The following PIP5K1B variants were observed in gnomAD, a reference collection of about 807,000 sequenced individuals.
The protein encoded by PIP5K1B is phosphatidylinositol 4-phosphate 5-kinase type-1 beta.
PIP5K1B carries 42 observed loss-of-function variants against 67.0 expected under a neutral mutation model. The ratio of observed to expected loss-of-function variants is 0.63; its 90% CI spans 0.49 to 0.81. The LOEUF (loss-of-function observed/expected upper bound fraction) is 0.81. Among genes scored for constraint, PIP5K1B ranks in the 30% least tolerant of loss-of-function variants. PIP5K1B has a pLI of 0.00. For synonymous variants in PIP5K1B, 214 were observed against 231.4 expected (o/e 0.92, Z 0.68); for missense variants, 459 against 646.3 (o/e 0.71, Z 3.14).
chr9:68,926,647 C>G (rs1826719127), intron 12 of PIP5K1B, among the ~76,000 whole-genome samples: 1 of 152,146 alleles, frequency 6.6e-6, no homozygotes, highest in Admixed American at 6.5e-5. Flanking sequence ...TCTTGGCTTA[C>G]TGCAACCTCT....
chr9:68,816,113 C>T (rs1833430399), intron 2 of PIP5K1B, among the ~76,000 whole-genome samples: 2 of 152,016 alleles, frequency 1.3e-5, no homozygotes, highest in Admixed American at 6.6e-5. Flanking sequence ...TCAGTCAACA[C>T]GATTTTTTTG....
intron 4 of PIP5K1B, among the ~76,000 whole-genome samples, chr9:68,849,708 A>C (rs1822384280): frequency 1.3e-5 from 2 of 152,184 alleles, no homozygotes; most frequent in Admixed American, 6.6e-5. Flanking sequence ...TGTATTTTTC[A>C]GTGTGTAGAG....
chr9:68,712,951 C>T (rs1170323699), intron 1 of PIP5K1B, among the ~76,000 whole-genome samples: 2 of 152,168 alleles, frequency 1.3e-5, no homozygotes, highest in East Asian at 1.9e-4. Flanking sequence ...AAGGCAATTC[C>T]TATGATGCCT....
At chr9:68,983,727 A>G (rs867235024) in intron 14 of PIP5K1B, among the ~76,000 whole-genome samples, 1 of 152,206 alleles carries the variant, frequency 6.6e-6, no homozygotes, top group East Asian at 1.9e-4. Context: ...ATTGTGTGCA[A>G]TTAGCCCTCA....
At chr9:68,970,325 A>G (rs1335035055) in intron 14 of PIP5K1B, among the ~76,000 whole-genome samples, 2 of 152,248 alleles carry the variant, frequency 1.3e-5, no homozygotes, top group Admixed American at 6.5e-5. Context: ...TGTCAAGACC[A>G]GGCACTACGC....
intron 1 of PIP5K1B, among the ~76,000 whole-genome samples, chr9:68,738,586 G>T (rs540269009): frequency 1.2e-4 from 19 of 152,276 alleles, no homozygotes; most frequent in Middle Eastern, 3.4e-3. Context: ...AGATGACAAG[G>T]GGTGGGGTGA....
At chr9:68,954,416 C>G (rs186517936) in intron 14 of PIP5K1B, among the ~76,000 whole-genome samples, 1 of 152,092 alleles carries the variant, frequency 6.6e-6, no homozygotes, top group South Asian at 2.1e-4. Flanking sequence ...AACTGCTCAG[C>G]GAAGATTCTA....
At chr9:68,781,078 A>T (rs1831246541) in intron 2 of PIP5K1B, 2 of 1,558,286 alleles carry the variant, frequency 1.3e-6, no homozygotes, top group East Asian at 4.5e-5. Context: ...AGAATAATCT[A>T]GTTGGGGCAA....
At chr9:68,745,941 T>G (rs1440999265) in intron 2 of PIP5K1B, among the ~76,000 whole-genome samples, 3 of 152,202 alleles carry the variant, frequency 2.0e-5, no homozygotes, top group Non-Finnish European at 4.4e-5. Flanking sequence ...AAAGGAAAAT[T>G]CATGTCTGTT....
chr9:68,854,236 T>C (rs1330708182), intron 4 of PIP5K1B, among the ~76,000 whole-genome samples: 1 of 148,218 alleles, frequency 6.7e-6, no homozygotes, highest in African/African-American at 2.5e-5. Context: ...GCTCAAGCAA[T>C]CCTCCTGCCT....
rs555145871 is a variant in PIP5K1B, at chr9:68,732,946, G to C, written c.-242-9555G>C. On this transcript the variant is annotated intron_variant, in intron 1 of 15. Coordinates refer to ENST00000265382, the MANE Select transcript of PIP5K1B (RefSeq NM_003558.4). ...GGGGGGCGGCGCGGTGGGAGATGAT[G>C]ATGATGATGACGACGACGATGATGT... is the stretch of plus-strand genomic sequence containing the variant. Among the ~76,000 whole-genome samples the C allele has an allele frequency of 5.3e-5, 8 of 152,070 alleles. No individual in the cohort carries two copies. In the East Asian group the frequency reaches 1.5e-3, roughly 29 times the overall value.
At chr9:68,788,196 A>G (rs942453959) in intron 2 of PIP5K1B, 1 of 314,538 alleles carries the variant, frequency 3.2e-6, no homozygotes, top group Non-Finnish European at 5.9e-6. Flanking sequence ...AAGGGGAAAA[A>G]GGAATGTGTG....
At chr9:68,870,460 ACT>A (rs1250360053) in intron 5 of PIP5K1B, among the ~76,000 whole-genome samples, 2 of 152,104 alleles carry the variant, frequency 1.3e-5, no homozygotes, top group Admixed American at 1.3e-4. Context: ...ATTCATGAGC[ACT>A]CTCTAATTTG....
rs1564253516 is a variant in PIP5K1B at position 68,940,737 on chromosome 9, C to T, written c.1449C>T (p.Ser483=). The change falls in exon 14 of 16, where the codon TCC becomes TCT. Residue 483 remains serine, a synonymous_variant. Coordinates refer to ENST00000265382, the MANE Select transcript of PIP5K1B (RefSeq NM_003558.4). ...TGGCAACCACAATTTCATCTTCTTC[C>T]TTATACGTCAATGAGCACTATCCAC... The part of the protein sequence containing the change: ...ASLATTISSS[S]LYVNEHYPHD... The T allele has an allele frequency of 6.2e-7, 1 of 1,613,960 alleles. No individual in the cohort carries two copies.
At chr9:68,809,278 TTTG>T (rs78628915) in intron 2 of PIP5K1B, among the ~76,000 whole-genome samples, 9 of 151,978 alleles carry the variant, frequency 5.9e-5, no homozygotes, top group African/African-American at 1.7e-4. Flanking sequence ...TCTCCTGCTT[TTTG>T]TTGTTGTTGT....
chr9:68,921,037 T>TA (rs1826373561), intron 11 of PIP5K1B, among the ~76,000 whole-genome samples: 1 of 152,186 alleles, frequency 6.6e-6, no homozygotes, highest in Non-Finnish European at 1.5e-5. Flanking sequence ...AAGGAGCCCA[T>TA]AATTTCTCAG....
At chr9:68,809,042 A>G (rs1350511632) in intron 2 of PIP5K1B, among the ~76,000 whole-genome samples, 1 of 152,232 alleles carries the variant, frequency 6.6e-6, no homozygotes, top group East Asian at 1.9e-4. Context: ...AGTGGCCTCC[A>G]TTGTACAAAT....
chr9:68,947,992 A>G (rs1032605333), intron 14 of PIP5K1B, among the ~76,000 whole-genome samples: 14 of 152,190 alleles, frequency 9.2e-5, no homozygotes, highest in African/African-American at 3.4e-4. Flanking sequence ...ATGCCCTTAC[A>G]AAACATTTCT....
chr9:68,925,795 A>ATTTTTTTTTTTTTTTTTTTTTTTT lies in PIP5K1B; in HGVS notation c.1201+2429_1201+2430insTTTTTTTTTTTTTTTTTTTTTTTT, dbSNP rs71353094. ...ACATGAATACCAGCTTGTGGTTCCA[A>ATTTTTTTTTTTTTTTTTTTTTTTT]TTTTTTTTTTTTTTTTTTTTGAGAC... On this transcript the variant is annotated intron_variant, in intron 12 of 15. Transcript: ENST00000265382. 6.0e-3 allele frequency among the ~76,000 whole-genome samples: 442 copies of ATTTTTTTTTTTTTTTTTTTTTTTT among 73,236 alleles called. 90 individuals carry two copies. Among genetic ancestry groups the ATTTTTTTTTTTTTTTTTTTTTTTT allele is most frequent in the East Asian group, 0.022 (34 of 1,570 alleles). 48.0% of individuals were successfully genotyped at this position (73,236 alleles called of 152,430 possible). A position where few individuals can be genotyped will look rare whatever the true frequency, so the allele number is the denominator to read the frequency against.
Sources: gnomAD v4.1 joint callset for allele counts (sites outside exome capture counted in the v4.1 genomes callset) on GRCh38, gnomAD v4.1.1 for gene constraint, MANE v1.5 for transcripts, NCBI Gene and HGNC (gene_info 2026-07-23, HGNC 2026-07-21) for gene names.